PRUNE2: variants seen among roughly 807,000 people sequenced by gnomAD.
PRUNE2 encodes the protein protein prune homolog 2.
Under a neutral mutation model 252.0 loss-of-function variants are expected in PRUNE2, and 164 were observed. The ratio of observed to expected loss-of-function variants is 0.65; its 90% confidence interval spans 0.57 to 0.74. The LOEUF is 0.74. Among genes scored for constraint, PRUNE2 ranks in the 30% least tolerant of loss-of-function variants. The pLI is 0.00. For missense variants in PRUNE2, 3,495 were observed against 3,711.0 expected (o/e 0.94, Z 1.51); for synonymous variants, 1,292 against 1,350.2 (o/e 0.96, Z 0.94).
At chr9:76,686,899 A>T (rs969173498) in intron 9 of PRUNE2, among the ~76,000 whole-genome samples, 5 of 152,074 alleles carry the variant, frequency 3.3e-5, no homozygotes, top group African/African-American at 1.2e-4. Context: ...CAGCTGGCTA[A>T]GGCATTTTTT....
At chr9:76,831,885 T>A (rs548258802) in intron 4 of PRUNE2, among the ~76,000 whole-genome samples, 1 of 152,216 alleles carries the variant, frequency 6.6e-6, no homozygotes, top group South Asian at 2.1e-4. Flanking sequence ...ACACCTTAAA[T>A]ATAATCATCG....
intron 4 of PRUNE2, among the ~76,000 whole-genome samples, chr9:76,843,899 T>C (rs964422699): frequency 6.6e-6 from 1 of 151,946 alleles, no homozygotes; most frequent in African/African-American, 2.4e-5. Context: ...GGCTAATTTT[T>C]GTATTTTTAG....
intron 6 of PRUNE2, among the ~76,000 whole-genome samples, chr9:76,729,497 G>A (rs933435961): frequency 6.6e-6 from 1 of 152,028 alleles, no homozygotes; most frequent in Non-Finnish European, 1.5e-5. Flanking sequence ...AGTCCATTAA[G>A]GTATAAAATT....
chr9:76,792,357 G>A (rs2055634957), intron 6 of PRUNE2, among the ~76,000 whole-genome samples: 1 of 152,206 alleles, frequency 6.6e-6, no homozygotes, highest in South Asian at 2.1e-4. Context: ...GGAACTGTGA[G>A]TCCATTAAAC....
At chr9:76,793,920 G>C (rs62565631) in intron 6 of PRUNE2, among the ~76,000 whole-genome samples, 4 of 151,858 alleles carry the variant, frequency 2.6e-5, no homozygotes, top group South Asian at 4.2e-4. Flanking sequence ...TATTTCTTCC[G>C]GCCTGCTTTT....
At chr9:76,840,639 A>T (rs2059331399) in intron 4 of PRUNE2, among the ~76,000 whole-genome samples, 2 of 152,260 alleles carry the variant, frequency 1.3e-5, no homozygotes, top group Admixed American at 1.3e-4. Context: ...TATGGCAAAG[A>T]TGTGCATAAA....
chr9:76,777,559 T>C lies in PRUNE2; in HGVS notation c.756+46073A>G, dbSNP rs148097951. Among the ~76,000 whole-genome samples the C allele has an allele frequency of 2.1e-4, 32 of 152,330 alleles. No homozygotes were observed. The East Asian group carries it at 6.2e-3, about 29-fold the overall frequency. ...TTCATTTATTCAATTCAATAAATAT[T>C]TGTTAGTCCCAATTTATGCAAGGCA... is the stretch of plus-strand genomic sequence containing the variant. On this transcript the variant is annotated intron_variant, in intron 6 of 18. Coordinates refer to ENST00000376718, the MANE Select transcript of PRUNE2 (RefSeq NM_015225.3).
chr9:76,751,315 T>C (rs190275621), intron 6 of PRUNE2, among the ~76,000 whole-genome samples: 3 of 152,036 alleles, frequency 2.0e-5, no homozygotes, highest in East Asian at 1.9e-4. Flanking sequence ...GTCAATAACA[T>C]TGATATTCAT....
chr9:76,762,225 TA>T (rs2051800123), intron 6 of PRUNE2, among the ~76,000 whole-genome samples: 1 of 152,236 alleles, frequency 6.6e-6, no homozygotes, highest in African/African-American at 2.4e-5. Context: ...CAACAACCAT[TA>T]AATGTGCTGC....
At chr9:76,801,848 A>C (rs1485215145) in intron 6 of PRUNE2, among the ~76,000 whole-genome samples, 1 of 152,196 alleles carries the variant, frequency 6.6e-6, no homozygotes, top group Non-Finnish European at 1.5e-5. Flanking sequence ...TAGGGCATCA[A>C]TAAAACAACT....
chr9:76,712,581 C>T (rs997087253), intron 7 of PRUNE2, among the ~76,000 whole-genome samples: 14 of 152,214 alleles, frequency 9.2e-5, no homozygotes, highest in African/African-American at 3.1e-4. Flanking sequence ...TTCCAATGAA[C>T]CAATTTTCAC....
rs868710525 is a variant in PRUNE2, at chr9:76,678,487, C to T, written c.8277-22985G>A. ...TCAAAATGAGACATACAAAACCAAA[C>T]ATTTCTAGAGGACATCTCAGAGTCT... On this transcript the variant is annotated intron_variant, in intron 9 of 18. Transcript: ENST00000376718. Among the ~76,000 whole-genome samples the T allele has an allele frequency of 6.6e-5, 10 of 150,838 alleles. No individual in the cohort carries two copies. In the South Asian group the frequency reaches 2.1e-3, roughly 32 times the overall value.
At chr9:76,621,052 T>C (rs1220537901) in intron 17 of PRUNE2, among the ~76,000 whole-genome samples, 2 of 152,026 alleles carry the variant, frequency 1.3e-5, no homozygotes, top group Non-Finnish European at 2.9e-5. Flanking sequence ...GGGGTGCAGT[T>C]TGAGTGGTGG....
intron 6 of PRUNE2, among the ~76,000 whole-genome samples, chr9:76,760,363 C>T (rs2051582936): frequency 6.6e-6 from 1 of 152,202 alleles, no homozygotes; most frequent in South Asian, 2.1e-4. Context: ...TTCTTTTCCT[C>T]ATCACCTAGG....
chr9:76,767,949 A>G (rs1386555257), intron 6 of PRUNE2, among the ~76,000 whole-genome samples: 4 of 152,190 alleles, frequency 2.6e-5, no homozygotes, highest in African/African-American at 9.7e-5. Context: ...TGGAAGTATT[A>G]ATAATTGTAC....
intron 1 of PRUNE2, among the ~76,000 whole-genome samples, chr9:76,895,823 AC>A (rs2062785452): frequency 6.6e-6 from 1 of 152,028 alleles, no homozygotes; most frequent in South Asian, 2.1e-4. Flanking sequence ...TAGCTCTGTC[AC>A]CCAGGCTGGA....
chr9:76,703,693 C>A lies in PRUNE2; in HGVS notation c.7920G>T (p.Glu2640Asp), dbSNP rs750774120. Reference sequence around the variant, plus strand: ...TGGCATCCAGTGATGGATCACCAACCTCACTATGGCCCAAGAACATCCAAC... The same window carrying A: ...TGGCATCCAGTGATGGATCACCAACATCACTATGGCCCAAGAACATCCAAC... Reference protein sequence around the residue: ...DQSWMFLGHSEVGDPSLDARD... With the variant: ...DQSWMFLGHSDVGDPSLDARD... Residue 2640 changes from glutamate to aspartate, a missense_variant, in exon 9 of 19, where the codon GAG becomes GAT. Glu to Asp is a conservative substitution (Grantham distance 45). Transcript: ENST00000376718. The A allele has an allele frequency of 6.2e-7, 1 of 1,613,394 alleles. No homozygotes were observed. Among genetic ancestry groups the A allele is most frequent in the Non-Finnish European group, 8.5e-7 (1 of 1,179,860 alleles).
At chr9:76,808,169 G>A (rs1426417700) in intron 6 of PRUNE2, among the ~76,000 whole-genome samples, 5 of 79,220 alleles carry the variant, frequency 6.3e-5, no homozygotes, top group South Asian at 7.7e-4. Context: ...CAGAGTAAGC[G>A]AAACTCTGTG....
intron 1 of PRUNE2, among the ~76,000 whole-genome samples, chr9:76,900,808 G>T (rs1381786343): frequency 6.6e-6 from 1 of 151,984 alleles, no homozygotes. Flanking sequence ...TTCACGGAGG[G>T]GTAGGTTCCC....
Sources: allele counts gnomAD v4.1 joint callset (sites outside exome capture counted in the v4.1 genomes callset), GRCh38; gene constraint gnomAD v4.1.1; transcripts MANE v1.5; gene names NCBI Gene and HGNC (gene_info 2026-07-23, HGNC 2026-07-21).